TBC1D8: variants seen among roughly 807,000 people sequenced by gnomAD.
The protein encoded by TBC1D8 is TBC1 domain family member 8.
TBC1D8 carries 65 observed loss-of-function variants against 118.8 expected under a neutral mutation model. That is an observed-to-expected ratio of 0.55 (90% confidence interval 0.45 to 0.67). The LOEUF (loss-of-function observed/expected upper bound fraction) is 0.67, where lower values mean the gene tolerates loss of function less well. Ranked by LOEUF, TBC1D8 falls within the 30% of genes least tolerant of loss-of-function variation. The pLI is 0.00. For missense variants in TBC1D8, 1,376 were observed against 1,471.2 expected (o/e 0.94, Z 1.06); for synonymous variants, 566 against 595.8 (o/e 0.95, Z 0.73).
At chr2:101,047,961 T>A (rs1406584961) in intron 5 of TBC1D8, among the ~76,000 whole-genome samples, 2 of 152,088 alleles carry the variant, frequency 1.3e-5, no homozygotes, top group Non-Finnish European at 2.9e-5. Context: ...AAACACCACA[T>A]CTGGAAGTGG....
At chr2:101,125,650 T>C (rs1338924547) in intron 1 of TBC1D8, among the ~76,000 whole-genome samples, 1 of 152,250 alleles carries the variant, frequency 6.6e-6, no homozygotes, top group East Asian at 1.9e-4. Context: ...CCTGTCTTTT[T>C]ACACTTAACA....
At chr2:101,048,271 A>G (rs758710381) in intron 5 of TBC1D8, among the ~76,000 whole-genome samples, 12 of 152,202 alleles carry the variant, frequency 7.9e-5, no homozygotes, top group African/African-American at 1.2e-4. Flanking sequence ...CTGTAGAGGC[A>G]TTTGAAGAAA....
At chr2:101,012,781 A>G (rs1308118252) in intron 17 of TBC1D8, among the ~76,000 whole-genome samples, 1 of 152,208 alleles carries the variant, frequency 6.6e-6, no homozygotes, top group African/African-American at 2.4e-5. Context: ...TTCGTAAACC[A>G]TTTCACTGAA....
Position 101,040,253 on chromosome 2 carries a change from C to T in TBC1D8, c.1005G>A (p.Met335Ile), listed in dbSNP as rs1164265819. 2 of 1,613,924 alleles carry T rather than the reference C, an allele frequency of 1.2e-6. No homozygotes were observed. Among genetic ancestry groups the T allele is most frequent in the African/African-American group, 2.7e-5 (2 of 74,934 alleles). The change falls in exon 6 of 20, where the codon ATG (methionine) becomes ATA (isoleucine). Residue 335 changes from methionine to isoleucine, a missense_variant. By Grantham distance (10) the Met-to-Ile change is conservative. Coordinates refer to ENST00000409318, the MANE Select transcript of TBC1D8 (RefSeq NM_001330348.2). ...AGCAGATGTAGCTGTCAGAGGCGAA[C>T]ATCCGCCCCGTGGTGTGACAGCGAC... ...PFSRCHTTGR[M>I]FASDSYICFA...
At chr2:101,123,918 C>T (rs1678236782) in intron 1 of TBC1D8, among the ~76,000 whole-genome samples, 1 of 152,138 alleles carries the variant, frequency 6.6e-6, no homozygotes, top group South Asian at 2.1e-4. Context: ...CACCAAACCT[C>T]GGTGTTTAGA....
intron 17 of TBC1D8, among the ~76,000 whole-genome samples, chr2:101,015,330 A>G (rs1000861630): frequency 6.6e-6 from 1 of 152,238 alleles, no homozygotes; most frequent in Middle Eastern, 3.2e-3. Context: ...ATCAGTGAGT[A>G]GCGAGTGAAT....
chr2:101,147,083 C>T (rs1679348336), intron 1 of TBC1D8, among the ~76,000 whole-genome samples: 1 of 151,674 alleles, frequency 6.6e-6, no homozygotes, highest in Non-Finnish European at 1.5e-5. Context: ...GAGGCCGAGG[C>T]CGAGGCCGAG....
At position 101,040,332 on chromosome 2, in the gene TBC1D8, G is replaced by T; in HGVS notation, c.926C>A (p.Pro309Gln). ...NEFFRAFFRL[P>Q]RKEKLHAVVD... ...AACCGCGTGCAGCTTCTCCTTCCTC[G>T]GCAACCTGAAGAAAGCCCGGAAGAA... is the stretch of plus-strand genomic sequence containing the variant. Residue 309 changes from proline (P) to glutamine (Q), a missense_variant, in exon 6 of 20, where the codon CCG becomes CAG. Physicochemically the swap from Pro to Gln is moderately conservative, Grantham distance 76 (BLOSUM62 -1). Coordinates refer to ENST00000409318, the MANE Select transcript of TBC1D8 (RefSeq NM_001330348.2). 1 of 1,613,372 alleles carries T rather than the reference G, an allele frequency of 6.2e-7. No individual in the cohort carries two copies. Among genetic ancestry groups the T allele is most frequent in the Non-Finnish European group, 8.5e-7 (1 of 1,179,632 alleles).
At chr2:101,107,680 AC>A (rs1205177741) in intron 1 of TBC1D8, among the ~76,000 whole-genome samples, 5 of 152,164 alleles carry the variant, frequency 3.3e-5, no homozygotes, top group Admixed American at 2.6e-4. Flanking sequence ...AATGAAAGGA[AC>A]CAGGGCTCCT....
chr2:101,114,442 T>C (rs1418489755), intron 1 of TBC1D8, among the ~76,000 whole-genome samples: 1 of 152,166 alleles, frequency 6.6e-6, no homozygotes, highest in Non-Finnish European at 1.5e-5. Flanking sequence ...TAAAATAAAT[T>C]CAAAGAACCC....
At chr2:101,015,803 A>G (rs949658445) in intron 17 of TBC1D8, among the ~76,000 whole-genome samples, 2 of 152,218 alleles carry the variant, frequency 1.3e-5, no homozygotes, top group Admixed American at 1.3e-4. Flanking sequence ...GACAAACCTG[A>G]GAAAAACAAG....
intron 1 of TBC1D8, among the ~76,000 whole-genome samples, chr2:101,118,044 T>C (rs1041819752): frequency 1.1e-4 from 17 of 151,998 alleles, no homozygotes; most frequent in Non-Finnish European, 2.5e-4. Flanking sequence ...GTTCCTGAAA[T>C]AGCAAATGCC....
chr2:101,119,595 T>C (rs1464994849), intron 1 of TBC1D8, among the ~76,000 whole-genome samples: 1 of 152,142 alleles, frequency 6.6e-6, no homozygotes, highest in African/African-American at 2.4e-5. Flanking sequence ...TCTGATGTCA[T>C]TGGTTTGGGG....
intron 3 of TBC1D8, 124 bp downstream of exon 3, chr2:101,059,297 G>A (rs1682625491): frequency 1.7e-6 from 1 of 578,414 alleles, no homozygotes. Context: ...AAACTTATTT[G>A]GCATTACGTA....
intron 11 of TBC1D8, among the ~76,000 whole-genome samples, chr2:101,030,840 C>G (rs947024980): frequency 6.6e-6 from 1 of 152,270 alleles, no homozygotes; most frequent in Non-Finnish European, 1.5e-5. Flanking sequence ...AACAATGTGG[C>G]TGCCTCTTAC....
At chr2:101,096,576 A>T (rs1021512818) in intron 1 of TBC1D8, among the ~76,000 whole-genome samples, 2 of 152,178 alleles carry the variant, frequency 1.3e-5, no homozygotes, top group African/African-American at 4.8e-5. Context: ...CTAATGAAGA[A>T]GGTAAACAAT....
rs1414169826 is a variant in TBC1D8 at position 101,011,023 on chromosome 2, T to C, written c.2921A>G (p.Asp974Gly). The change falls in exon 19 of 20, where the codon GAT becomes GGT. Residue 974 changes from aspartate to glycine, a missense_variant. Asp to Gly is a moderately conservative substitution (Grantham distance 94). Coordinates refer to ENST00000409318, the MANE Select transcript of TBC1D8 (RefSeq NM_001330348.2). Reference protein sequence around the residue: ...RPLVFGKPNGDAVDYQKQLKQ... With the variant: ...RPLVFGKPNGGAVDYQKQLKQ... The stretch of plus-strand genomic sequence containing the variant: ...CAGCTGTTTCTGATAATCAACTGCA[T>C]CACCTTGAAACAAAGGAAAACAATA... 1.9e-6 allele frequency: 3 copies of C among 1,611,636 alleles called. No individual in the cohort carries two copies. The African/African-American group carries it at 4.0e-5, about 22-fold the overall frequency.
chr2:101,035,981 A>C, intron 9 of TBC1D8, 37 bp downstream of exon 9: 1 of 1,610,244 alleles, frequency 6.2e-7, no homozygotes, highest in Non-Finnish European at 8.5e-7. Flanking sequence ...TCCATGACAA[A>C]AAGAACAATT....
At chr2:101,150,175 C>T (rs1339679163) in intron 1 of TBC1D8, among the ~76,000 whole-genome samples, 1 of 152,184 alleles carries the variant, frequency 6.6e-6, no homozygotes, top group Non-Finnish European at 1.5e-5. Flanking sequence ...CTCAAAAAGG[C>T]CTTCCCTAGA....
Sources: gnomAD v4.1 joint callset for allele counts (sites outside exome capture counted in the v4.1 genomes callset) on GRCh38, gnomAD v4.1.1 for gene constraint, MANE v1.5 for transcripts, NCBI Gene and HGNC (gene_info 2026-07-23, HGNC 2026-07-21) for gene names.